The following BRINP3 variants were observed in gnomAD, a reference collection of about 807,000 sequenced individuals.
BRINP3 encodes BMP/retinoic acid-inducible neural-specific protein 3.
A neutral mutation model predicts 71.0 loss-of-function variants in BRINP3; 19 were observed. The observed-to-expected ratio is 0.27, with a 90% confidence interval of 0.19 to 0.39. The LOEUF (loss-of-function observed/expected upper bound fraction) is 0.39, where lower values mean the gene tolerates loss of function less well. Ranked by LOEUF, BRINP3 falls within the 10% of genes least tolerant of loss-of-function variation. The probability of loss-of-function intolerance (pLI) is 1.00; values close to 1 mark genes in which losing one functional copy is unlikely to be tolerated. For missense variants in BRINP3, 959 were observed against 940.8 expected, an observed-to-expected ratio of 1.02 and a Z score of -0.25; for synonymous variants, 380 against 337.7, an observed-to-expected ratio of 1.13 and a Z score of -1.37.
At chr1:190,381,710 T>A (rs1037817597) in intron 2 of BRINP3, among the ~76,000 whole-genome samples, 4 of 152,144 alleles carry the variant, frequency 2.6e-5, no homozygotes, top group African/African-American at 9.6e-5. Context: ...GATTAGCACA[T>A]TTTTCATTAA....
At chr1:190,376,624 A>G (rs1312071187) in intron 2 of BRINP3, among the ~76,000 whole-genome samples, 1 of 152,096 alleles carries the variant, frequency 6.6e-6, no homozygotes, top group Non-Finnish European at 1.5e-5. Context: ...GTTTTGAACT[A>G]GAAAACAAAT....
intron 6 of BRINP3, among the ~76,000 whole-genome samples, chr1:190,206,436 A>G (rs890033206): frequency 6.6e-6 from 1 of 152,070 alleles, no homozygotes; most frequent in Admixed American, 6.6e-5. Flanking sequence ...ATATAAATAT[A>G]AATTTCAAGA....
chr1:190,264,333 T>G (rs1661463842), intron 4 of BRINP3, among the ~76,000 whole-genome samples: 1 of 152,190 alleles, frequency 6.6e-6, no homozygotes, highest in Non-Finnish European at 1.5e-5. Flanking sequence ...CAATTCTAGA[T>G]TATGTTATAT....
intron 7 of BRINP3, among the ~76,000 whole-genome samples, chr1:190,140,284 T>G (rs1251815753): frequency 6.6e-6 from 1 of 152,172 alleles, no homozygotes; most frequent in Non-Finnish European, 1.5e-5. Flanking sequence ...ACCATCTTGG[T>G]TATCCTTTTA....
chr1:190,213,637 A>G (rs1656170696), intron 6 of BRINP3, among the ~76,000 whole-genome samples: 1 of 152,050 alleles, frequency 6.6e-6, no homozygotes, highest in South Asian at 2.1e-4. Flanking sequence ...TGCCATGATC[A>G]TGAATAAATT....
chr1:190,113,841 G>A (rs992517025), intron 7 of BRINP3, among the ~76,000 whole-genome samples: 2 of 152,146 alleles, frequency 1.3e-5, no homozygotes, highest in African/African-American at 4.8e-5. Context: ...GTGATTTGAG[G>A]ACATATTAAC....
chr1:190,433,630 A>T (rs943618570), intron 2 of BRINP3, among the ~76,000 whole-genome samples: 1 of 151,844 alleles, frequency 6.6e-6, no homozygotes, highest in Non-Finnish European at 1.5e-5. Flanking sequence ...TTCCCCTTTC[A>T]GTTCTCCTTA....
At chr1:190,241,261 T>A (rs1392366920) in intron 4 of BRINP3, among the ~76,000 whole-genome samples, 1 of 152,110 alleles carries the variant, frequency 6.6e-6, no homozygotes, top group African/African-American at 2.4e-5. Flanking sequence ...AGTTTCACCA[T>A]CTCATTATAT....
intron 7 of BRINP3, among the ~76,000 whole-genome samples, chr1:190,142,377 T>C (rs1231883149): frequency 6.6e-6 from 1 of 152,124 alleles, no homozygotes. Flanking sequence ...CTCATTCTAG[T>C]CAGAAAGTGG....
chr1:190,288,208 A>G (rs1006302885), intron 2 of BRINP3, among the ~76,000 whole-genome samples: 18 of 152,008 alleles, frequency 1.2e-4, no homozygotes, highest in African/African-American at 4.3e-4. Context: ...TTACATTCAT[A>G]TAATAATACA....
At chr1:190,438,313 C>T (rs750921199) in intron 2 of BRINP3, among the ~76,000 whole-genome samples, 1 of 151,404 alleles carries the variant, frequency 6.6e-6, no homozygotes, top group South Asian at 2.1e-4. Flanking sequence ...AAGATAATCT[C>T]AAATATTATT....
At chr1:190,161,458 T>A (rs72729134) in intron 6 of BRINP3, among the ~76,000 whole-genome samples, 12,369 of 151,822 alleles carry the variant, frequency 0.081, 587 homozygotes, top group East Asian at 0.11. Flanking sequence ...ACCGATCTTA[T>A]TTTTAACCCT....
rs113410103 is a variant in BRINP3 at position 190,157,684 on chromosome 1, T to C, written c.1184+2984A>G. Among the ~76,000 whole-genome samples, 542 of 152,206 alleles carry C rather than the reference T, an allele frequency of 3.6e-3. 4 individuals are homozygous for C. The highest frequency in any genetic ancestry group is 0.012 in the African/African-American group (514 of 41,564). ...TAACAAGATCTTCACCCAGCCACAT[T>C]TTCCAGGCATGGAATGTTCCCTGGG... On this transcript the variant is annotated intron_variant, in intron 7 of 7. Coordinates refer to ENST00000367462, the MANE Select transcript of BRINP3 (RefSeq NM_199051.3).
intron 2 of BRINP3, among the ~76,000 whole-genome samples, chr1:190,289,058 AC>A (rs2102960193): frequency 6.6e-6 from 1 of 152,012 alleles, no homozygotes; most frequent in South Asian, 2.1e-4. Flanking sequence ...AAGGTAACTA[AC>A]CAATTATATA....
At chr1:190,138,563 C>G (rs1655166534) in intron 7 of BRINP3, among the ~76,000 whole-genome samples, 1 of 152,056 alleles carries the variant, frequency 6.6e-6, no homozygotes. Flanking sequence ...GTGCTTTGCC[C>G]TCTGTGTTGA....
intron 3 of BRINP3, among the ~76,000 whole-genome samples, chr1:190,278,126 C>T (rs1230489553): frequency 6.6e-6 from 1 of 151,560 alleles, no homozygotes; most frequent in African/African-American, 2.4e-5. Flanking sequence ...AGCCATTTTT[C>T]ATGTATTTCT....
intron 2 of BRINP3, among the ~76,000 whole-genome samples, chr1:190,304,518 C>A (rs1318049300): frequency 2.0e-5 from 3 of 151,662 alleles, no homozygotes; most frequent in African/African-American, 7.3e-5. Context: ...GCTAAGAACA[C>A]ACTGAAAGGA....
chr1:190,433,910 G>A (rs966778086), intron 2 of BRINP3, among the ~76,000 whole-genome samples: 3 of 152,082 alleles, frequency 2.0e-5, no homozygotes, highest in African/African-American at 7.2e-5. Flanking sequence ...AGCATTTCTA[G>A]TCTGCTAAAA....
chr1:190,183,309 A>G (rs983439820), intron 6 of BRINP3, among the ~76,000 whole-genome samples: 2 of 151,982 alleles, frequency 1.3e-5, no homozygotes, highest in Non-Finnish European at 2.9e-5. Context: ...GAAATTTGGG[A>G]ATTTAAATTT....
Sources: allele counts gnomAD v4.1 joint callset (sites outside exome capture counted in the v4.1 genomes callset), GRCh38; gene constraint gnomAD v4.1.1; transcripts MANE v1.5; gene names NCBI Gene and HGNC (gene_info 2026-07-23, HGNC 2026-07-21).